The following PCID2 variants were observed in gnomAD, a reference collection of about 807,000 sequenced individuals.
PCID2 encodes PCI domain containing 2.
A neutral mutation model predicts 61.3 loss-of-function variants in PCID2; 41 were observed. The ratio of observed to expected loss-of-function variants is 0.67; its 90% CI spans 0.52 to 0.87. PCID2 has a LOEUF of 0.87. Among genes scored for constraint, PCID2 ranks in the 40% least tolerant of loss-of-function variants. The pLI, the probability that PCID2 is intolerant of heterozygous loss-of-function variation, is 0.00. For synonymous variants in PCID2, 187 were observed against 177.8 expected (o/e 1.05, Z -0.41); for missense variants, 392 against 493.4 (o/e 0.79, Z 1.95).
intron 2 of PCID2, among the ~76,000 whole-genome samples, chr13:113,199,153 G>A (rs1333206609): frequency 6.6e-6 from 1 of 152,218 alleles, no homozygotes; most frequent in Non-Finnish European, 1.5e-5. Flanking sequence ...CTGTGAGGGT[G>A]TTTCTGGATG....
chr13:113,181,897 A>G (rs755615217), intron 9 of PCID2, among the ~76,000 whole-genome samples: 33 of 152,340 alleles, frequency 2.2e-4, no homozygotes, highest in Non-Finnish European at 2.9e-4. Context: ...ACATGCTAAC[A>G]AGGAACTCTC....
rs148086877 is a variant in PCID2 at position 113,178,204 on chromosome 13, C to G, written c.1194G>C (p.Val398=). 2.5e-6 allele frequency: 4 copies of G among 1,612,628 alleles called. No individual in the cohort carries two copies. In the African/African-American group the frequency reaches 5.3e-5, roughly 22 times the overall value. Reference sequence around the variant, plus strand: ...CTCGGGGCTCCGTGTACTTTCAACACACCGTGGACAGGGGAGGAAATGGGT... The same window carrying G: ...CTCGGGGCTCCGTGTACTTTCAACAGACCGTGGACAGGGGAGGAAATGGGT... ...KQNPFPPLST[V]C Residue 398 remains valine, a synonymous_variant, in exon 14 of 14, where the codon GTG becomes GTC. Transcript: ENST00000337344.
intron 8 of PCID2, among the ~76,000 whole-genome samples, 161 bp downstream of exon 8, chr13:113,185,324 C>A (rs1235782830): frequency 6.6e-6 from 1 of 152,200 alleles, no homozygotes; most frequent in East Asian, 1.9e-4. Context: ...GTGCCTTGCA[C>A]CTAGTAGGCA....
the PCID2 span, among the ~76,000 whole-genome samples, chr13:113,165,763 T>G: frequency 2.0e-5 from 3 of 152,152 alleles, no homozygotes; most frequent in African/African-American, 7.2e-5. Context: ...ATGCCTGACC[T>G]CAAGTGACCC....
chr13:113,176,571 G>A (rs929242837), downstream of PCID2, among the ~76,000 whole-genome samples: 8 of 152,228 alleles, frequency 5.3e-5, no homozygotes, highest in Non-Finnish European at 1.2e-4. Flanking sequence ...AGACCAGCCT[G>A]TGCAATATTA....
intron 1 of PCID2, among the ~76,000 whole-genome samples, chr13:113,202,843 T>C (rs2039530080): frequency 6.6e-6 from 1 of 152,036 alleles, no homozygotes; most frequent in African/African-American, 2.4e-5. Context: ...TATAAGTTAC[T>C]TACAACCCCA....
At chr13:113,165,259 C>A in the PCID2 span, 2 of 796,078 alleles carry the variant, frequency 2.5e-6, no homozygotes, top group East Asian at 2.7e-5. Context: ...TGACCAACCT[C>A]TATTCACACT....
At chr13:113,205,993 G>A (rs755971321) in intron 1 of PCID2, among the ~76,000 whole-genome samples, 8 of 152,220 alleles carry the variant, frequency 5.3e-5, no homozygotes, top group Non-Finnish European at 1.0e-4. Context: ...TTCAGCATAA[G>A]TGAAATAAAC....
In PCID2 at chr13:113,195,079, C is replaced by A. The variant is rs779788312; in HGVS notation, c.355G>T (p.Ala119Ser). 2.5e-6 allele frequency: 4 copies of A among 1,604,574 alleles called. No individual in the cohort carries two copies. Among genetic ancestry groups the A allele is most frequent in the East Asian group, 4.5e-5 (2 of 44,844 alleles). The change falls in exon 6 of 14, where the codon GCC becomes TCC. Residue 119 changes from alanine to serine, a missense_variant. Physicochemically the swap from Ala to Ser is moderately conservative, Grantham distance 99. This residue lies in a region of PCID2 where 155 missense variants were observed against 164.9 expected (regional missense o/e 0.94). Coordinates refer to ENST00000337344, the MANE Select transcript of PCID2 (RefSeq NM_001127202.4). ...YAVALDLRVFANNADQQLVKK... is the reference protein window; with the variant it reads ...YAVALDLRVFSNNADQQLVKK... Reference sequence around the variant, plus strand: ...CAGCAAATTAAACTTACATTATTGGCAAACACTCGAAGGTCAAGCGCTACT... The same window carrying A: ...CAGCAAATTAAACTTACATTATTGGAAAACACTCGAAGGTCAAGCGCTACT...
downstream of PCID2, among the ~76,000 whole-genome samples, chr13:113,174,635 C>A (rs2037161889): frequency 2.0e-5 from 3 of 152,224 alleles, no homozygotes; most frequent in Admixed American, 1.3e-4. Flanking sequence ...CAGGTGTGGA[C>A]CACCATGCCC....
At position 113,197,223 on chromosome 13, in the gene PCID2, T is replaced by C; in HGVS notation, c.221A>G (p.Asn74Ser). Residue 74 changes from asparagine to serine, a missense_variant, in exon 4 of 14, where the codon AAT (asparagine) becomes AGT (serine). Around this residue, in one of 3 missense-constraint regions of PCID2, gnomAD observed 155 missense variants for 164.9 expected, o/e 0.94. Coordinates refer to ENST00000337344, the MANE Select transcript of PCID2 (RefSeq NM_001127202.4). The stretch of plus-strand genomic sequence containing the variant: ...CTTGTATGCCTCTATGAAGTCATGA[T>C]TCCCCACTGCATAAGTGCACCTGGA... ...AHLRCTYAVG[N>S]HDFIEAYKCQ... 1.2e-6 allele frequency: 2 copies of C among 1,613,268 alleles called. No homozygotes were observed. Among genetic ancestry groups the C allele is most frequent in the Non-Finnish European group, 1.7e-6 (2 of 1,179,198 alleles).
the PCID2 span, among the ~76,000 whole-genome samples, chr13:113,166,753 G>A: frequency 2.0e-5 from 3 of 152,176 alleles, no homozygotes; most frequent in South Asian, 4.1e-4. Context: ...CCATGAGTGC[G>A]CTGAGGGTCG....
chr13:113,187,898 C>T (rs1361116947), intron 7 of PCID2: 1 of 152,126 alleles, frequency 6.6e-6, no homozygotes, highest in East Asian at 1.9e-4. Flanking sequence ...ATCTGAGAAG[C>T]CACTGCCTAA....
chr13:113,192,283 C>T (rs1260329319), intron 6 of PCID2, among the ~76,000 whole-genome samples: 1 of 152,156 alleles, frequency 6.6e-6, no homozygotes, highest in East Asian at 1.9e-4. Context: ...CTTGATAATG[C>T]AGTAAATATG....
At chr13:113,170,456 T>G in the PCID2 span, 3 of 1,611,004 alleles carry the variant, frequency 1.9e-6, no homozygotes, top group Non-Finnish European at 8.5e-7. Flanking sequence ...TGTGGTGGTG[T>G]TATAATACGG....
At chr13:113,168,419 G>A in the PCID2 span, among the ~76,000 whole-genome samples, 5 of 152,216 alleles carry the variant, frequency 3.3e-5, no homozygotes, top group South Asian at 2.1e-4. Context: ...AAGGCATTGC[G>A]TCTGGCGCAG....
intron 7 of PCID2, among the ~76,000 whole-genome samples, chr13:113,189,146 G>A (rs965009180): frequency 3.3e-5 from 5 of 151,956 alleles, no homozygotes; most frequent in Admixed American, 1.3e-4. Context: ...AGAGCCTGGC[G>A]CCTCCCCTTC....
At chr13:113,198,536 T>C (rs1206882909) in intron 2 of PCID2, among the ~76,000 whole-genome samples, 1 of 152,094 alleles carries the variant, frequency 6.6e-6, no homozygotes, top group Non-Finnish European at 1.5e-5. Context: ...AGCCCGTCTC[T>C]ACAAAAAAAA....
the PCID2 span, among the ~76,000 whole-genome samples, chr13:113,170,754 G>A: frequency 6.6e-6 from 1 of 151,998 alleles, no homozygotes; most frequent in Non-Finnish European, 1.5e-5. Flanking sequence ...CGGCAAGGGA[G>A]GAAATCACAG....
Sources: gnomAD v4.1 joint callset for allele counts (sites outside exome capture counted in the v4.1 genomes callset) on GRCh38, gnomAD v4.1.1 for gene constraint, gnomAD v4.1.1 regional missense constraint, MANE v1.5 for transcripts, NCBI Gene and HGNC (gene_info 2026-07-23, HGNC 2026-07-21) for gene names.